IL1RAPL2: variants seen among roughly 807,000 people sequenced by gnomAD.
The protein encoded by IL1RAPL2 is interleukin 1 receptor accessory protein like 2, also known as X-linked interleukin-1 receptor accessory protein-like 2.
Under a neutral mutation model 44.1 loss-of-function variants are expected in IL1RAPL2, and 3 were observed. The ratio of observed to expected loss-of-function variants is 0.07; its 90% confidence interval spans 0.03 to 0.18. The LOEUF (loss-of-function observed/expected upper bound fraction) is 0.18, where lower values mean the gene tolerates loss of function less well. Among genes scored for constraint, IL1RAPL2 ranks in the 10% least tolerant of loss-of-function variants. IL1RAPL2 has a pLI of 1.00. For missense variants in IL1RAPL2, 391 were observed against 496.4 expected (o/e 0.79, Z 2.02); for synonymous variants, 181 against 178.8 (o/e 1.01, Z -0.10).
chrX:104,627,276 G>A (rs1929528953), intron 1 of IL1RAPL2, among the ~76,000 whole-genome samples: 1 of 96,106 alleles, frequency 1.0e-5, no homozygotes, highest in African/African-American at 3.9e-5. Flanking sequence ...AGTTTGCTGA[G>A]AATGATGATT....
chrX:105,585,145 A>T (rs763857310), intron 6 of IL1RAPL2, among the ~76,000 whole-genome samples: 1 of 110,550 alleles, frequency 9.0e-6, no homozygotes, highest in Non-Finnish European at 1.9e-5. Context: ...AAATATATTG[A>T]ATATTTTTAT....
At chrX:105,588,396 C>G (rs1427385625) in intron 6 of IL1RAPL2, among the ~76,000 whole-genome samples, 1 of 111,444 alleles carries the variant, frequency 9.0e-6, no homozygotes, top group Non-Finnish European at 1.9e-5. Flanking sequence ...AATTTTTGAA[C>G]TTTTATTTGA....
intron 6 of IL1RAPL2, among the ~76,000 whole-genome samples, chrX:105,714,304 G>T (rs1345764061): frequency 9.0e-6 from 1 of 111,299 alleles, no homozygotes; most frequent in Non-Finnish European, 1.9e-5. Context: ...TTTATGGTCT[G>T]TCCACATCAG....
chrX:105,276,016 A>G (rs763430606), intron 5 of IL1RAPL2, among the ~76,000 whole-genome samples: 8 of 112,150 alleles, frequency 7.1e-5, no homozygotes, highest in Non-Finnish European at 1.3e-4. Context: ...ATACCAATCC[A>G]TTGTTTTGTC....
Position 104,658,335 on chromosome X carries a change from A to T in IL1RAPL2, c.-19-560A>T, listed in dbSNP as rs753056370. 2.7e-5 allele frequency among the ~76,000 whole-genome samples: 3 copies of T among 111,972 alleles called. 1 individual carries two copies. The highest frequency in any genetic ancestry group is 9.7e-5 in the African/African-American group (3 of 30,891). On this transcript the variant is annotated intron_variant, in intron 1 of 10. Coordinates refer to ENST00000372582, the MANE Select transcript of IL1RAPL2 (RefSeq NM_017416.2). ...TTGTAGGGACATGGATGAAGCTGGA[A>T]ACCATCATTCTGAGCAAACTATCAC...
At chrX:104,947,698 G>A (rs1363804548) in intron 2 of IL1RAPL2, among the ~76,000 whole-genome samples, 1 of 110,746 alleles carries the variant, frequency 9.0e-6, no homozygotes, top group African/African-American at 3.3e-5. Context: ...TCTTGTTTTT[G>A]TCAGGTTTGT....
intron 5 of IL1RAPL2, among the ~76,000 whole-genome samples, chrX:105,313,940 G>A (rs1466404825): frequency 1.8e-5 from 2 of 111,418 alleles, no homozygotes; most frequent in Non-Finnish European, 3.8e-5. Flanking sequence ...TATGGCAGTG[G>A]ACTTTTGTTC....
At chrX:104,641,305 C>G (rs1247348883) in intron 1 of IL1RAPL2, among the ~76,000 whole-genome samples, 2 of 111,240 alleles carry the variant, frequency 1.8e-5, no homozygotes, top group Non-Finnish European at 3.8e-5. Flanking sequence ...AGGCTACGTA[C>G]TCTGCCTTGG....
chrX:105,175,319 A>C (rs2033462738), intron 2 of IL1RAPL2, among the ~76,000 whole-genome samples: 1 of 111,667 alleles, frequency 9.0e-6, no homozygotes, highest in Non-Finnish European at 1.9e-5. Flanking sequence ...CTCAATCCTC[A>C]CAGTAGCATT....
intron 5 of IL1RAPL2, among the ~76,000 whole-genome samples, chrX:105,312,833 A>T (rs1157361484): frequency 2.7e-5 from 3 of 111,428 alleles, no homozygotes; most frequent in Non-Finnish European, 5.7e-5. Flanking sequence ...GTTGTACATG[A>T]TAGATATATA....
chrX:104,820,594 A>C (rs988119579), intron 2 of IL1RAPL2, among the ~76,000 whole-genome samples: 1 of 111,893 alleles, frequency 8.9e-6, no homozygotes, highest in African/African-American at 3.3e-5. Flanking sequence ...TCTAACTCAT[A>C]GGTCTAACTC....
intron 2 of IL1RAPL2, among the ~76,000 whole-genome samples, chrX:104,961,561 T>C (rs1472952233): frequency 1.8e-5 from 2 of 111,882 alleles, no homozygotes; most frequent in Non-Finnish European, 3.8e-5. Context: ...TGTCACCTCA[T>C]TTTAGAGTTC....
chrX:105,340,920 C>T (rs1412280417), intron 5 of IL1RAPL2, among the ~76,000 whole-genome samples: 4 of 112,370 alleles, frequency 3.6e-5, no homozygotes, highest in Middle Eastern at 9.3e-3. Flanking sequence ...CTCACACATT[C>T]CCAGTGTCTC....
At chrX:105,757,943 T>A (rs1205243012) in intron 10 of IL1RAPL2, among the ~76,000 whole-genome samples, 1 of 111,723 alleles carries the variant, frequency 9.0e-6, no homozygotes, top group Non-Finnish European at 1.9e-5. Context: ...ATATACTTGA[T>A]TTACACATGA....
At chrX:105,141,074 G>A (rs907514404) in intron 2 of IL1RAPL2, among the ~76,000 whole-genome samples, 12 of 111,882 alleles carry the variant, frequency 1.1e-4, no homozygotes, top group African/African-American at 2.9e-4. Flanking sequence ...TTTTTCATTA[G>A]TAAGTTATTT....
intron 3 of IL1RAPL2, among the ~76,000 whole-genome samples, chrX:105,223,681 G>A (rs1455036673): frequency 7.2e-5 from 8 of 111,799 alleles, no homozygotes; most frequent in African/African-American, 9.8e-5. Context: ...CATGATTAGG[G>A]CTTGAACTGT....
intron 2 of IL1RAPL2, among the ~76,000 whole-genome samples, chrX:104,704,074 A>T (rs747081944): frequency 4.5e-5 from 5 of 112,045 alleles, no homozygotes; most frequent in African/African-American, 1.6e-4. Context: ...TTTGGGGATA[A>T]GGATGCTAGT....
intron 6 of IL1RAPL2, 75 bp downstream of exon 6, chrX:105,484,462 G>A: frequency 1.0e-5 from 7 of 702,629 alleles, no homozygotes; most frequent in Non-Finnish European, 1.4e-5. Context: ...CATGAACCAG[G>A]AAAGGTTTAT....
chrX:104,967,776 C>A (rs747273212), intron 2 of IL1RAPL2, among the ~76,000 whole-genome samples: 1 of 110,952 alleles, frequency 9.0e-6, no homozygotes, highest in African/African-American at 3.3e-5. Flanking sequence ...CAACTTTATA[C>A]CAATATACAT....
Sources: allele counts gnomAD v4.1 joint callset (sites outside exome capture counted in the v4.1 genomes callset), GRCh38; gene constraint gnomAD v4.1.1; transcripts MANE v1.5; gene names NCBI Gene and HGNC (gene_info 2026-07-23, HGNC 2026-07-21).